The following DPY19L2 variants were observed in gnomAD, a reference collection of about 807,000 sequenced individuals.
DPY19L2 encodes the protein dpy-19 like 2.
Under a neutral mutation model 97.9 loss-of-function variants are expected in DPY19L2, and 34 were observed. That is an observed-to-expected ratio of 0.35 (90% CI 0.26 to 0.46). The LOEUF is 0.46. Ranked by LOEUF, DPY19L2 falls within the 20% of genes least tolerant of loss-of-function variation. The pLI, the probability that DPY19L2 is intolerant of heterozygous loss-of-function variation, is 1.00. For missense variants in DPY19L2, 623 were observed against 911.4 expected (o/e 0.68, Z 4.07); for synonymous variants, 230 against 307.9 (o/e 0.75, Z 2.65).
Position 63,668,174 on chromosome 12 carries a change from C to T in DPY19L2, c.220G>A (p.Ala74Thr). Residue 74 changes from alanine (A) to threonine (T), a missense_variant, in exon 1 of 22, where the codon GCC becomes ACC. By Grantham distance (58) the Ala-to-Thr change is moderately conservative (BLOSUM62 0). This residue lies in a region of DPY19L2 where 144 missense variants were observed against 119.4 expected (regional missense o/e 1.21). Transcript: ENST00000324472. Reference protein sequence around the residue: ...ERKGLELEVVAKTFLLGPFQF... With the variant: ...ERKGLELEVVTKTFLLGPFQF... Reference sequence around the variant, plus strand: ...AAGGGGCCGAGAAGAAAGGTCTTGGCCACCACCTCTAGCTCCAAGCCTTTT... The same window carrying T: ...AAGGGGCCGAGAAGAAAGGTCTTGGTCACCACCTCTAGCTCCAAGCCTTTT... 1 of 1,613,956 alleles carries T rather than the reference C, an allele frequency of 6.2e-7. No individual in the cohort carries two copies. Among genetic ancestry groups the T allele is most frequent in the African/African-American group, 1.3e-5 (1 of 74,996 alleles).
At chr12:63,593,513 CA>C (rs1489263015) in intron 16 of DPY19L2, among the ~76,000 whole-genome samples, 9 of 152,186 alleles carry the variant, frequency 5.9e-5, no homozygotes, top group African/African-American at 2.2e-4. Context: ...AATTGGAAAT[CA>C]TCATTCTCAG....
At chr12:63,605,931 A>G (rs9651987) in intron 12 of DPY19L2, among the ~76,000 whole-genome samples, 2,512 of 152,262 alleles carry the variant, frequency 0.016, 79 homozygotes, top group African/African-American at 0.057. Flanking sequence ...ACCTTCATAC[A>G]CATAAATGTG....
chr12:63,597,255 A>G (rs572726411), intron 14 of DPY19L2, among the ~76,000 whole-genome samples: 47 of 152,088 alleles, frequency 3.1e-4, no homozygotes, highest in South Asian at 1.2e-3. Context: ...GATTACAGGG[A>G]TGAACCACCA....
At chr12:63,594,968 C>G (rs1424954907) in intron 15 of DPY19L2, among the ~76,000 whole-genome samples, 2 of 152,120 alleles carry the variant, frequency 1.3e-5, no homozygotes, top group Non-Finnish European at 2.9e-5. Context: ...GGCGGTAAAC[C>G]TGCTCACATT....
At chr12:63,596,602 A>C (rs1289469682) in intron 14 of DPY19L2, among the ~76,000 whole-genome samples, 1 of 152,202 alleles carries the variant, frequency 6.6e-6, no homozygotes, top group African/African-American at 2.4e-5. Context: ...TGCTATAGCA[A>C]ACTGCCTCAT....
Position 63,668,330 on chromosome 12 carries a change from G to A in DPY19L2, c.64C>T (p.Arg22Trp), listed in dbSNP as rs1218448749. ...QSSGRSQSKG[R>W]RGASLAREPE... is the part of the protein sequence containing the mutation. ...TCCCGGGCGAGGGAGGCCCCGCGCC[G>A]CCCCTTAGACTGGCTGCGGCCGGAA... The change falls in exon 1 of 22, where the codon CGG (arginine) becomes TGG (tryptophan). Residue 22 changes from arginine to tryptophan, a missense_variant. Around this residue, in one of 6 missense-constraint regions of DPY19L2, gnomAD observed 144 missense variants for 119.4 expected, o/e 1.21. Coordinates refer to ENST00000324472, the MANE Select transcript of DPY19L2 (RefSeq NM_173812.5). 1 of 1,613,874 alleles carries A rather than the reference G, an allele frequency of 6.2e-7. No homozygotes were observed. Among genetic ancestry groups the A allele is most frequent in the Non-Finnish European group, 8.5e-7 (1 of 1,179,938 alleles).
chr12:63,574,764 T>C (rs1434628667), intron 19 of DPY19L2, among the ~76,000 whole-genome samples: 1 of 151,220 alleles, frequency 6.6e-6, no homozygotes, highest in Non-Finnish European at 1.5e-5. Context: ...TATATAACAA[T>C]TGTAAATATA....
chr12:63,575,642 G>C (rs1244748519), intron 19 of DPY19L2, among the ~76,000 whole-genome samples: 1 of 151,818 alleles, frequency 6.6e-6, no homozygotes, highest in Non-Finnish European at 1.5e-5. Context: ...AGAAATTAAA[G>C]GATCATCAGA....
chr12:63,645,545 G>C (rs1893303971), intron 5 of DPY19L2, among the ~76,000 whole-genome samples: 1 of 152,042 alleles, frequency 6.6e-6, no homozygotes, highest in Non-Finnish European at 1.5e-5. Flanking sequence ...GGTCTCTCAA[G>C]TACCTCAAAT....
intron 3 of DPY19L2, 91 bp downstream of exon 3, chr12:63,663,667 C>A: frequency 9.0e-7 from 1 of 1,108,390 alleles, no homozygotes. Flanking sequence ...TGCAGTTGAC[C>A]AGAAGTTCAT....
intron 12 of DPY19L2, among the ~76,000 whole-genome samples, chr12:63,607,820 A>G (rs912403842): frequency 6.6e-6 from 1 of 151,778 alleles, no homozygotes; most frequent in African/African-American, 2.4e-5. Flanking sequence ...TTTTGTAGAG[A>G]TGGGGTTTTG....
chr12:63,666,505 C>T (rs1335091975), intron 1 of DPY19L2: 8 of 444,880 alleles, frequency 1.8e-5, no homozygotes, highest in African/African-American at 4.1e-5. Context: ...GGAGCTTTTA[C>T]AGGAGCTGCA....
chr12:63,565,241 C>G (rs1312599642), intron 21 of DPY19L2, among the ~76,000 whole-genome samples: 1 of 152,106 alleles, frequency 6.6e-6, no homozygotes, highest in African/African-American at 2.4e-5. Flanking sequence ...AACAAATTAC[C>G]ACAAACAGTT....
At chr12:63,656,786 T>C (rs548982914) in intron 4 of DPY19L2, among the ~76,000 whole-genome samples, 2 of 152,136 alleles carry the variant, frequency 1.3e-5, no homozygotes, top group Non-Finnish European at 2.9e-5. Flanking sequence ...TTCAAACTCA[T>C]TGATTATTTC....
In DPY19L2 at chr12:63,652,637, G is replaced by A. The variant is rs973937542; in HGVS notation, c.589-5272C>T. ...TGTCCTTTGCAGCAACATGAAAGGA[G>A]TTAGAGGCCAGTATGCTAAGTGAAT... On this transcript the variant is annotated intron_variant, in intron 4 of 21. Transcript: ENST00000324472. Among the ~76,000 whole-genome samples, 5 of 152,164 alleles carry A rather than the reference G, an allele frequency of 3.3e-5. No individual in the cohort carries two copies. In the East Asian group the frequency reaches 5.8e-4, roughly 18 times the overall value.
At chr12:63,568,078 T>G (rs930989714) in intron 21 of DPY19L2, among the ~76,000 whole-genome samples, 1 of 152,000 alleles carries the variant, frequency 6.6e-6, no homozygotes. Context: ...TTTTCGGTAA[T>G]GTTCTTTTTT....
chr12:63,601,070 C>A (rs564220231), intron 12 of DPY19L2, among the ~76,000 whole-genome samples: 53 of 152,282 alleles, frequency 3.5e-4, no homozygotes, highest in African/African-American at 1.2e-3. Flanking sequence ...CAGGCGTGAG[C>A]CACTGCACCC....
At chr12:63,605,828 C>A (rs1162437339) in intron 12 of DPY19L2, among the ~76,000 whole-genome samples, 1 of 152,178 alleles carries the variant, frequency 6.6e-6, no homozygotes, top group Non-Finnish European at 1.5e-5. Context: ...GATAGACTAT[C>A]CCAGCATCAT....
chr12:63,568,167 A>T (rs1414684118), intron 21 of DPY19L2, among the ~76,000 whole-genome samples: 2 of 151,856 alleles, frequency 1.3e-5, no homozygotes, highest in Non-Finnish European at 2.9e-5. Flanking sequence ...GTTATTTTTC[A>T]ATCTTTTTGG....
Sources: allele counts gnomAD v4.1 joint callset (sites outside exome capture counted in the v4.1 genomes callset), GRCh38; gene constraint gnomAD v4.1.1; regional missense constraint gnomAD v4.1.1; transcripts MANE v1.5; gene names NCBI Gene and HGNC (gene_info 2026-07-23, HGNC 2026-07-21).